TAL1: variants seen among roughly 807,000 people sequenced by gnomAD.
TAL1 encodes the protein T-cell acute lymphocytic leukemia protein 1.
TAL1 carries 8 observed loss-of-function variants against 17.9 expected under a neutral mutation model. The ratio of observed to expected loss-of-function variants is 0.45; its 90% confidence interval spans 0.26 to 0.81. The LOEUF (loss-of-function observed/expected upper bound fraction) is 0.81, where lower values mean the gene tolerates loss of function less well. Among genes scored for constraint, TAL1 ranks in the 30% least tolerant of loss-of-function variants. TAL1 has a pLI of 0.17. For missense variants in TAL1, 466 were observed against 486.9 expected, an observed-to-expected ratio of 0.96 and a Z score of 0.40; for synonymous variants, 223 against 218.6, an observed-to-expected ratio of 1.02 and a Z score of -0.18.
rs533128338 is a variant in TAL1 at position 47,226,174 on chromosome 1, G to A, written c.-1-285C>T. ...GATGGAGGAAGACGACAGAGACACCGGAAGAAAAGGAATACAGCCAGCGAC... is the reference window on the plus strand; with the variant it reads ...GATGGAGGAAGACGACAGAGACACCAGAAGAAAAGGAATACAGCCAGCGAC... On this transcript the variant is annotated intron_variant, in intron 1 of 3. Transcript: ENST00000294339. 53 of 424,530 alleles carry A rather than the reference G, an allele frequency of 1.2e-4. No homozygotes were observed. The South Asian group carries it at 2.6e-3, about 20-fold the overall frequency. The allele number at this position is 424,530 out of a possible 1,614,324, so 26.3% of individuals were successfully genotyped here.
upstream of TAL1, chr1:47,229,846 T>A (rs1469858733): frequency 1.3e-5 from 2 of 150,228 alleles, no homozygotes; most frequent in African/African-American, 2.5e-5. Context: ...AACCTTGAAG[T>A]CCCCCCCACC....
chr1:47,224,251 C>T (rs1176280991), intron 2 of TAL1, 153 bp from the exon 4 acceptor site: 13 of 632,366 alleles, frequency 2.1e-5, no homozygotes, highest in Non-Finnish European at 3.7e-5. Context: ...CACACAGACA[C>T]ACACACACAC....
Position 47,219,894 on chromosome 1 carries a change from G to GCCCCCCCCCCCCCCCCCCCCCCCCCCCCC in TAL1, c.821_822insGGGGGGGGGGGGGGGGGGGGGGGGGGGGG (p.Ala275GlyfsTer180). 1.3e-6 allele frequency: 2 copies of GCCCCCCCCCCCCCCCCCCCCCCCCCCCCC among 1,556,038 alleles called. No individual in the cohort carries two copies. The highest frequency in any genetic ancestry group is 2.3e-5 in the East Asian group (1 of 43,968). ...CTTGCAGGAGGTCATCTGGGGGCGC[G>GCCCCCCCCCCCCCCCCCCCCCCCCCCCCC]CCGCCCCCTCCCCCACCTCCACCCC... On this transcript the variant is annotated frameshift_variant, in exon 4 of 4. Coordinates refer to ENST00000294339, the Ensembl canonical transcript of TAL1. LOFTEE classifies it high-confidence loss of function.
At chr1:47,225,402 C>T in intron 2 of TAL1, 41 bp downstream of exon 3, 1 of 1,227,558 alleles carries the variant, frequency 8.1e-7, no homozygotes, top group Non-Finnish European at 1.0e-6. Context: ...GTCGCCCTGC[C>T]CACCCGCCCA....
At chr1:47,226,463 T>C (rs1052785697) in intron 1 of TAL1, among the ~76,000 whole-genome samples, 1 of 152,040 alleles carries the variant, frequency 6.6e-6, no homozygotes, top group Admixed American at 6.6e-5. Context: ...AAGTGGAGGC[T>C]ACGGGGACTG....
At chr1:47,218,870 C>G in exon 4 of TAL1, 2 of 244,498 alleles carry the variant, frequency 8.2e-6, no homozygotes, top group Non-Finnish European at 1.6e-5. Flanking sequence ...ATTCACTCGC[C>G]AGCATGAACA....
chr1:47,217,228 A>AG (rs1645512858), exon 4 of TAL1: 1 of 302,622 alleles, frequency 3.3e-6, no homozygotes, highest in East Asian at 4.9e-5. Context: ...AAAAAAAAAA[A>AG]AAAGTAAAAA....
chr1:47,220,864 G>A (rs548469858), intron 3 of TAL1, among the ~76,000 whole-genome samples: 13 of 152,170 alleles, frequency 8.5e-5, no homozygotes, highest in Non-Finnish European at 1.6e-4. Flanking sequence ...ATGGGGAAAC[G>A]AATATTAAAA....
chr1:47,228,293 G>C (rs899466552), intron 1 of TAL1: 2 of 176,018 alleles, frequency 1.1e-5, no homozygotes, highest in East Asian at 1.9e-4. Flanking sequence ...AACACTGATG[G>C]TTGTTGGCGA....
chr1:47,223,215 G>A (rs1189994303), intron 3 of TAL1, among the ~76,000 whole-genome samples: 1 of 152,136 alleles, frequency 6.6e-6, no homozygotes, highest in African/African-American at 2.4e-5. Flanking sequence ...GAAGTTCTGG[G>A]GGCATCTGGG....
chr1:47,225,967 G>A, intron 1 of TAL1, 78 bp from the exon 3 acceptor site: 1 of 1,446,348 alleles, frequency 6.9e-7, no homozygotes, highest in Non-Finnish European at 9.2e-7. Flanking sequence ...TGGGGTAAAG[G>A]GGAGAAGGGC....
exon 4 of TAL1, chr1:47,218,842 G>A (rs916044007): frequency 2.2e-4 from 54 of 240,432 alleles, no homozygotes; most frequent in Admixed American, 2.1e-3. Flanking sequence ...ACCAGCGTAC[G>A]CCCATCAGCA....
chr1:47,220,288 A>G, intron 3 of TAL1, 114 bp from the exon 5 acceptor site: 1 of 1,377,394 alleles, frequency 7.3e-7, no homozygotes, highest in Non-Finnish European at 9.4e-7. Context: ...CCTTTTACTT[A>G]GAAAACATCC....
Position 47,219,843 on chromosome 1 carries a change from G to T in TAL1, c.873C>A (p.Cys291Ter). The change falls in exon 4 of 4, where the codon TGC (cysteine) becomes TGA (stop). Residue 291 changes from cysteine (C) to a stop codon, truncating the protein, a stop_gained. Coordinates refer to ENST00000294339, the Ensembl canonical transcript of TAL1. LOFTEE classifies it high-confidence loss of function. ...TGGCTGCCCCATCCAGGGAGCTGCC[G>T]CAGCTGGAGTTGGGGGAAAGCACGT... is the stretch of plus-strand genomic sequence containing the variant. 6.2e-7 allele frequency: 1 copy of T among 1,600,180 alleles called. No homozygotes were observed. The highest frequency in any genetic ancestry group is 8.5e-7 in the Non-Finnish European group (1 of 1,170,870).
chr1:47,219,829 T>A (rs1468225478), exon 4 of TAL1: 2 of 1,604,108 alleles, frequency 1.2e-6, no homozygotes, highest in Non-Finnish European at 1.7e-6. Flanking sequence ...GGCTGCCCCA[T>A]CCAGGGAGCT....
chr1:47,228,586 C>T (rs1643949546), intron 1 of TAL1: 1 of 175,836 alleles, frequency 5.7e-6, no homozygotes, highest in African/African-American at 2.4e-5. Flanking sequence ...CAAGCAGACC[C>T]AATCCCCCAT....
At chr1:47,227,369 C>CA (rs1488548626) in intron 1 of TAL1, 7 of 152,112 alleles carry the variant, frequency 4.6e-5, no homozygotes, top group African/African-American at 1.2e-4. Flanking sequence ...AAAACAAATA[C>CA]AAAAAAACAA....
chr1:47,227,849 C>T (rs1026717655), intron 1 of TAL1: 1 of 152,060 alleles, frequency 6.6e-6, no homozygotes, highest in Non-Finnish European at 1.5e-5. Context: ...TATACCAACC[C>T]CTGGGAAACA....
In TAL1 at chr1:47,226,777, T is replaced by G. The variant is rs193051535; in HGVS notation, c.-1-888A>C. On this transcript the variant is annotated intron_variant, in intron 1 of 3. Transcript: ENST00000294339. ...AGGCCTGGCTGAGGTAGAATGGAGC[T>G]GGGCATTTGAAGGGTTCCCTGAGGC... 2.2e-3 allele frequency among the ~76,000 whole-genome samples: 335 copies of G among 152,326 alleles called. 1 individual carries two copies. The highest frequency in any genetic ancestry group is 3.3e-3 in the Non-Finnish European group (222 of 68,020).
Sources: gnomAD v4.1 joint callset for allele counts (sites outside exome capture counted in the v4.1 genomes callset) on GRCh38, gnomAD v4.1.1 for gene constraint, MANE v1.5 for transcripts, NCBI Gene and HGNC (gene_info 2026-07-23, HGNC 2026-07-21) for gene names.